The following KAZN variants were observed in gnomAD, a reference collection of about 807,000 sequenced individuals.
The protein encoded by KAZN is kazrin, periplakin interacting protein.
A neutral mutation model predicts 87.4 loss-of-function variants in KAZN; 40 were observed. That is an observed-to-expected ratio of 0.46 (90% CI 0.36 to 0.60). The LOEUF is 0.60. Ranked by LOEUF, KAZN falls within the 20% of genes least tolerant of loss-of-function variation. The probability of loss-of-function intolerance (pLI) is 0.00; values close to 1 mark genes in which losing one functional copy is unlikely to be tolerated. For synonymous variants in KAZN, 466 were observed against 458.3 expected (o/e 1.02, Z -0.22); for missense variants, 898 against 1,073.9 (o/e 0.84, Z 2.29).
intron 4 of KAZN, among the ~76,000 whole-genome samples, chr1:15,048,401 C>T (rs549610596): frequency 3.5e-4 from 52 of 150,162 alleles, no homozygotes; most frequent in African/African-American, 6.7e-4. Context: ...ACACTGGCCC[C>T]AAGGGACCGC....
chr1:14,317,810 A>G lies in KAZN; in HGVS notation c.249+137218A>G, dbSNP rs74226807. Among the ~76,000 whole-genome samples the G allele has an allele frequency of 5.8e-3, 876 of 152,104 alleles. 24 individuals carry two copies. The East Asian group carries it at 0.1, about 18-fold the overall frequency. ...ATAACATTGATGAGAAAAAAAAACA[A>G]TTGGTTTGCTATACATCATTTCACT... On this transcript the variant is annotated intron_variant, in intron 2 of 16. Transcript: ENST00000636203.
At chr1:14,059,815 C>A (rs1642716811) in intron 1 of KAZN, among the ~76,000 whole-genome samples, 1 of 152,194 alleles carries the variant, frequency 6.6e-6, no homozygotes, top group South Asian at 2.1e-4. Flanking sequence ...TCCAGGGTGC[C>A]TTAAGTGTTG....
chr1:14,948,726 G>A (rs78567892), intron 1 of KAZN, among the ~76,000 whole-genome samples: 3,574 of 152,228 alleles, frequency 0.023, 155 homozygotes, highest in African/African-American at 0.083. Flanking sequence ...GCAGTAGCAT[G>A]GAGGCTCAGC....
chr1:14,497,727 G>T (rs1268341628), intron 2 of KAZN, among the ~76,000 whole-genome samples: 2 of 152,092 alleles, frequency 1.3e-5, no homozygotes, highest in African/African-American at 2.4e-5. Flanking sequence ...GACTTAGAGG[G>T]TTAGGGCTTG....
chr1:14,601,567 A>G (rs983822164), intron 1 of KAZN, among the ~76,000 whole-genome samples: 1 of 152,020 alleles, frequency 6.6e-6, no homozygotes, highest in Non-Finnish European at 1.5e-5. Flanking sequence ...CATTGCTTTC[A>G]TTATCCTAAA....
intron 1 of KAZN, among the ~76,000 whole-genome samples, chr1:14,012,842 A>C (rs1640378059): frequency 6.6e-6 from 1 of 152,224 alleles, no homozygotes; most frequent in Non-Finnish European, 1.5e-5. Flanking sequence ...ACAAACAAGC[A>C]ACAAACATAT....
chr1:14,515,993 C>T (rs1671279187), intron 2 of KAZN, among the ~76,000 whole-genome samples: 1 of 152,066 alleles, frequency 6.6e-6, no homozygotes, highest in Non-Finnish European at 1.5e-5. Flanking sequence ...ATCACTAGGG[C>T]CTAAACAGGA....
Position 14,949,571 on chromosome 1 carries a change from C to T in KAZN, c.227-11113C>T, listed in dbSNP as rs1662237661. On this transcript the variant is annotated intron_variant, in intron 1 of 14. Transcript: ENST00000376030. This position sits in a 1 kb window ranked among gnomAD's most constrained non-coding sequence, Gnocchi z 4.3. Reference sequence around the variant, plus strand: ...GGTGTTTTTCGAGATTCACATTCCTCCTGGTGCCAGAAGCACCTGCCAAGT... The same window carrying T: ...GGTGTTTTTCGAGATTCACATTCCTTCTGGTGCCAGAAGCACCTGCCAAGT... Among the ~76,000 whole-genome samples, 1 of 152,204 alleles carries T rather than the reference C, an allele frequency of 6.6e-6. No homozygotes were observed.
chr1:15,016,994 G>A (rs1670178104), intron 2 of KAZN, among the ~76,000 whole-genome samples: 1 of 151,986 alleles, frequency 6.6e-6, no homozygotes, highest in African/African-American at 2.4e-5. Context: ...AGTATCCATG[G>A]GAATAAAGAC....
intron 8 of KAZN, among the ~76,000 whole-genome samples, chr1:15,084,540 T>C (rs918516655): frequency 2.0e-5 from 3 of 152,130 alleles, no homozygotes; most frequent in African/African-American, 7.2e-5. Flanking sequence ...GAGCAGTGAG[T>C]GATCACCAAA....
intron 2 of KAZN, among the ~76,000 whole-genome samples, chr1:14,196,866 G>A (rs1170127380): frequency 4.6e-5 from 7 of 152,094 alleles, no homozygotes; most frequent in Non-Finnish European, 1.0e-4. Context: ...CACAAAGACT[G>A]AGATGGAGCA....
chr1:14,448,995 C>T (rs1295474892), intron 2 of KAZN, among the ~76,000 whole-genome samples: 5 of 152,178 alleles, frequency 3.3e-5, no homozygotes, highest in East Asian at 3.8e-4. Flanking sequence ...GGGAGGTTTT[C>T]GTGGTAGAAT....
At chr1:14,538,523 C>T (rs1672629162) in intron 2 of KAZN, among the ~76,000 whole-genome samples, 1 of 152,122 alleles carries the variant, frequency 6.6e-6, no homozygotes, top group Non-Finnish European at 1.5e-5. Flanking sequence ...GAAATGCTGT[C>T]CTCACATGGT....
chr1:14,345,969 TA>T (rs1432069955), intron 2 of KAZN, among the ~76,000 whole-genome samples: 1 of 152,204 alleles, frequency 6.6e-6, no homozygotes. Context: ...TGATGTTTGT[TA>T]TAAGCCTTAT....
intron 1 of KAZN, among the ~76,000 whole-genome samples, chr1:14,698,877 C>T (rs1232033633): frequency 6.6e-6 from 1 of 152,258 alleles, no homozygotes; most frequent in Non-Finnish European, 1.5e-5. Flanking sequence ...GCTGGTCTAA[C>T]CACTAGTTCT....
intron 2 of KAZN, among the ~76,000 whole-genome samples, chr1:14,237,850 C>T (rs1208168241): frequency 1.3e-5 from 2 of 152,148 alleles, no homozygotes; most frequent in Non-Finnish European, 2.9e-5. Context: ...CATGGGAATT[C>T]AGCTGTGCCA....
intron 2 of KAZN, among the ~76,000 whole-genome samples, chr1:14,386,294 G>A (rs1040215683): frequency 1.4e-5 from 2 of 146,344 alleles, no homozygotes; most frequent in Non-Finnish European, 3.0e-5. Context: ...CTTTTAATTG[G>A]AGCATTTAGT....
intron 1 of KAZN, among the ~76,000 whole-genome samples, chr1:14,085,149 C>G (rs1391025690): frequency 4.6e-5 from 7 of 152,180 alleles, no homozygotes; most frequent in Admixed American, 3.3e-4. Context: ...CATCTTAGAA[C>G]AAATCCATTT....
chr1:13,935,261 A>ATAATAATAATAATAATAATAATAC (rs1442565511), intron 1 of KAZN, among the ~76,000 whole-genome samples: 2 of 150,742 alleles, frequency 1.3e-5, no homozygotes, highest in African/African-American at 4.9e-5. Context: ...AGTAATAATA[A>ATAATAATAATAATAATAATAATAC]TAATAATAAG....
Sources: allele counts gnomAD v4.1 joint callset (sites outside exome capture counted in the v4.1 genomes callset), GRCh38; gene constraint gnomAD v4.1.1; non-coding constraint Gnocchi (gnomAD v3.1); transcripts MANE v1.5; gene names NCBI Gene and HGNC (gene_info 2026-07-23, HGNC 2026-07-21).